The following NATD1 variants were observed in gnomAD, a reference collection of about 807,000 sequenced individuals.
NATD1 encodes the protein N-acetyltransferase domain containing 1.
NATD1 carries 9 observed loss-of-function variants against 12.0 expected under a neutral mutation model. The observed-to-expected ratio is 0.75, with a 90% CI of 0.45 to 1.30. The LOEUF (loss-of-function observed/expected upper bound fraction) is 1.30, where lower values mean the gene tolerates loss of function less well. Ranked by LOEUF, NATD1 falls within the 50% of genes most tolerant of loss-of-function variation. The probability of loss-of-function intolerance (pLI) is 0.00; values close to 1 mark genes in which losing one functional copy is unlikely to be tolerated. For missense variants in NATD1, 148 were observed against 148.5 expected (o/e 1.00, Z 0.02); for synonymous variants, 71 against 65.9 (o/e 1.08, Z -0.37).
intron 1 of NATD1, among the ~76,000 whole-genome samples, chr17:21,248,805 C>A (rs1433890231): frequency 6.6e-6 from 1 of 152,184 alleles, no homozygotes; most frequent in Non-Finnish European, 1.5e-5. Context: ...TAGGGCAGGG[C>A]AGGGCCCTCA....
rs936595297 is a variant in NATD1 at position 21,243,063 on chromosome 17, C to T, written c.*250G>A. The T allele has an allele frequency of 2.2e-5, 9 of 415,668 alleles. No individual in the cohort carries two copies. Among genetic ancestry groups the T allele is most frequent in the African/African-American group, 4.0e-5 (2 of 50,588 alleles). 25.7% of individuals were successfully genotyped at this position (415,668 alleles called of 1,614,324 possible). ...CTACGTGTGACCCACAGGCCTCCCA[C>T]GAAGCCGCTGGTCTCTGCAGAGTGA... On this transcript the variant is annotated 3_prime_UTR_variant, in exon 3 of 3. Coordinates refer to ENST00000611551, the MANE Select transcript of NATD1 (RefSeq NM_152914.3).
rs773760567 is a variant in NATD1, at chr17:21,240,635, G to A, written c.*2678C>T. ...GGCAAGAAATACAAACCCACAGGGT[G>A]AGGCGGGCAGAAAAGCAGCTCTGTG... On this transcript the variant is annotated 3_prime_UTR_variant, in exon 3 of 3. Coordinates refer to ENST00000611551, the MANE Select transcript of NATD1 (RefSeq NM_152914.3). 2 of 152,654 alleles carry A rather than the reference G, an allele frequency of 1.3e-5. No homozygotes were observed. The highest frequency in any genetic ancestry group is 2.9e-5 in the Non-Finnish European group (2 of 68,120). The allele number at this position is 152,654 out of a possible 1,614,324, so 9.5% of individuals were successfully genotyped here.
In NATD1 at chr17:21,240,526, GGGGACGGTCCAGCGGCCAGCT is replaced by G. The variant is rs1975259023; in HGVS notation, c.*2766_*2786del. Reference sequence around the variant, plus strand: ...GTTGATGAGCTTGGAGAATGAGGAAGGGGACGGTCCAGCGGCCAGCTGGGTCCACACCCTGCCGCCGGCCCT... The same window carrying G: ...GTTGATGAGCTTGGAGAATGAGGAAGGGGTCCACACCCTGCCGCCGGCCCT... On this transcript the variant is annotated 3_prime_UTR_variant, in exon 3 of 3. Transcript: ENST00000611551. 1 of 152,672 alleles carries G rather than the reference GGGGACGGTCCAGCGGCCAGCT, an allele frequency of 6.5e-6. No individual in the cohort carries two copies. Among genetic ancestry groups the G allele is most frequent in the Admixed American group, 6.5e-5 (1 of 15,284 alleles). The allele number at this position is 152,672 out of a possible 1,614,324, so 9.5% of individuals were successfully genotyped here. A position where few individuals can be genotyped will look rare whatever the true frequency, so the allele number is the denominator to read the frequency against.
Position 21,253,253 on chromosome 17 carries a change from C to G in NATD1, c.12G>C (p.Ser4=). Residue 4 remains serine (S), a synonymous_variant, in exon 1 of 3, where the codon TCG becomes TCC. Transcript: ENST00000611551. Reference sequence around the variant, plus strand: ...GCGCGCCCAGCGGCACGGCGGCAGCCGAGTGCGCCATCTGCGCGCGGGGCT... The same window carrying G: ...GCGCGCCCAGCGGCACGGCGGCAGCGGAGTGCGCCATCTGCGCGCGGGGCT... MAH[S]AAAVPLGALE... The G allele has an allele frequency of 1.0e-6, 1 of 996,054 alleles. No individual in the cohort carries two copies. The highest frequency in any genetic ancestry group is 1.2e-6 in the Non-Finnish European group (1 of 838,406). The allele number at this position is 996,054 out of a possible 1,614,324, so 61.7% of individuals were successfully genotyped here.
intron 1 of NATD1, among the ~76,000 whole-genome samples, chr17:21,245,068 C>A (rs1378195239): frequency 6.6e-6 from 1 of 152,122 alleles, no homozygotes; most frequent in Admixed American, 6.6e-5. Context: ...AGAGAATAAA[C>A]ATGAAAAGCA....
intron 1 of NATD1, among the ~76,000 whole-genome samples, chr17:21,251,834 G>A (rs763284620): frequency 2.2e-4 from 33 of 152,200 alleles, no homozygotes; most frequent in Non-Finnish European, 4.0e-4. Context: ...CCTCTCGCAA[G>A]CCTTTCCCTT....
intron 1 of NATD1, among the ~76,000 whole-genome samples, chr17:21,247,720 G>A (rs1281507969): frequency 2.0e-5 from 3 of 152,224 alleles, no homozygotes; most frequent in Admixed American, 1.3e-4. Context: ...CTAGTCTGAG[G>A]TCTGGAGCTC....
intron 1 of NATD1, among the ~76,000 whole-genome samples, chr17:21,248,459 T>C (rs1037790787): frequency 6.6e-6 from 1 of 152,174 alleles, no homozygotes; most frequent in Non-Finnish European, 1.5e-5. Flanking sequence ...CCTGCCTTGG[T>C]GGCTGCTCCC....
In NATD1 at chr17:21,243,050, CA is replaced by C. The variant is rs1192352258; in HGVS notation, c.*262del. 2.5e-6 allele frequency: 1 copy of C among 399,406 alleles called. No homozygotes were observed. Among genetic ancestry groups the C allele is most frequent in the Non-Finnish European group, 4.6e-6 (1 of 216,008 alleles). The allele number at this position is 399,406 out of a possible 1,614,324, so 24.7% of individuals were successfully genotyped here. A position where few individuals can be genotyped will look rare whatever the true frequency, so the allele number is the denominator to read the frequency against. ...CTGGCTCTAGCCCCTACGTGTGACC[CA>C]CAGGCCTCCCACGAAGCCGCTGGTC... On this transcript the variant is annotated 3_prime_UTR_variant, in exon 3 of 3. Transcript: ENST00000611551.
intron 1 of NATD1, among the ~76,000 whole-genome samples, chr17:21,248,922 G>A (rs1039038211): frequency 1.3e-5 from 2 of 152,050 alleles, no homozygotes; most frequent in African/African-American, 2.4e-5. Flanking sequence ...CTCCCTCCTG[G>A]GCCTGAGAAC....
chr17:21,250,890 A>G lies in NATD1; in HGVS notation c.106+2269T>C, dbSNP rs72840039. On this transcript the variant is annotated intron_variant, in intron 1 of 2. Coordinates refer to ENST00000611551, the MANE Select transcript of NATD1 (RefSeq NM_152914.3). ...ACCTGACCCCTCAGCCTCAGTGTTT[A>G]TATCTCTCAGTGGGCACAACAGCAC... 3.5e-3 allele frequency among the ~76,000 whole-genome samples: 531 copies of G among 152,318 alleles called. 3 individuals are homozygous for G. The highest frequency in any genetic ancestry group is 6.2e-3 in the Non-Finnish European group (423 of 68,028).
chr17:21,244,947 A>G lies in NATD1; in HGVS notation c.107-723T>C, dbSNP rs1975312745. 6.6e-6 allele frequency among the ~76,000 whole-genome samples: 1 copy of G among 152,106 alleles called. No homozygotes were observed. Among genetic ancestry groups the G allele is most frequent in the Non-Finnish European group, 1.5e-5 (1 of 68,010 alleles). Reference sequence around the variant, plus strand: ...CATCCATCAACCCACCCATCCACTTATCCATCCACCAAATGTTTCCTGAGC... The same window carrying G: ...CATCCATCAACCCACCCATCCACTTGTCCATCCACCAAATGTTTCCTGAGC... On this transcript the variant is annotated intron_variant, in intron 1 of 2. Transcript: ENST00000611551. This position sits in a 1 kb window ranked among gnomAD's most constrained non-coding sequence, Gnocchi z 5.2.
rs1567643393 is a variant in NATD1 at position 21,239,262 on chromosome 17, GGGAAGTTGCT to G, written c.*4041_*4050del. 2.6e-5 allele frequency: 4 copies of G among 152,324 alleles called. No homozygotes were observed. Among genetic ancestry groups the G allele is most frequent in the African/African-American group, 4.8e-5 (2 of 41,558 alleles). The allele number at this position is 152,324 out of a possible 1,614,324, so 9.4% of individuals were successfully genotyped here. A position where few individuals can be genotyped will look rare whatever the true frequency, so the allele number is the denominator to read the frequency against. ...CCCCCCCGCAGCCTTGCAGCTGAGT[GGGAAGTTGCT>G]GGAAGTTGTATCTGTTTATTGCTTT... On this transcript the variant is annotated 3_prime_UTR_variant, in exon 3 of 3. Transcript: ENST00000611551.
chr17:21,245,117 G>A (rs1380730472), intron 1 of NATD1, among the ~76,000 whole-genome samples: 1 of 152,176 alleles, frequency 6.6e-6, no homozygotes, highest in Non-Finnish European at 1.5e-5. Flanking sequence ...GGCAGGTGAA[G>A]ACAGGAAGGA....
At position 21,239,789 on chromosome 17, in the gene NATD1, CAAA is replaced by C. The variant is rs372619434; in HGVS notation, c.*3521_*3523del. The C allele has an allele frequency of 1.3e-5, 2 of 151,834 alleles. No homozygotes were observed. The highest frequency in any genetic ancestry group is 2.9e-5 in the Non-Finnish European group (2 of 67,926). 9.4% of individuals were successfully genotyped at this position (151,834 alleles called of 1,614,324 possible). A position where few individuals can be genotyped will look rare whatever the true frequency, so the allele number is the denominator to read the frequency against. ...GGGCGACAGAGCAAGACTCCCATCT[CAAA>C]AAAAAGATTGCAACAGGCCTGGCAA... is the stretch of plus-strand genomic sequence containing the variant. On this transcript the variant is annotated 3_prime_UTR_variant, in exon 3 of 3. Transcript: ENST00000611551.
At chr17:21,251,944 G>T (rs1975380470) in intron 1 of NATD1, among the ~76,000 whole-genome samples, 1 of 152,226 alleles carries the variant, frequency 6.6e-6, no homozygotes. Flanking sequence ...GCCACAGGGA[G>T]TTCATAGCCC....
At chr17:21,247,455 G>A (rs1255138024) in intron 1 of NATD1, among the ~76,000 whole-genome samples, 1 of 152,164 alleles carries the variant, frequency 6.6e-6, no homozygotes, top group Non-Finnish European at 1.5e-5. Context: ...CTCGTGCTCT[G>A]CTCTCTCCAC....
At chr17:21,251,304 A>T (rs140101454) in intron 1 of NATD1, among the ~76,000 whole-genome samples, 1 of 151,726 alleles carries the variant, frequency 6.6e-6, no homozygotes, top group Admixed American at 6.6e-5. Flanking sequence ...AAAAAAAAAA[A>T]AAAAAAACAA....
intron 1 of NATD1, among the ~76,000 whole-genome samples, chr17:21,245,726 G>C (rs536880833): frequency 6.6e-6 from 1 of 151,788 alleles, no homozygotes; most frequent in Admixed American, 6.6e-5. Flanking sequence ...TCCTGCACCC[G>C]CCATCGCCTA....
Sources: gnomAD v4.1 joint callset for allele counts (sites outside exome capture counted in the v4.1 genomes callset) on GRCh38, gnomAD v4.1.1 for gene constraint, Gnocchi (gnomAD v3.1) non-coding constraint, MANE v1.5 for transcripts, NCBI Gene and HGNC (gene_info 2026-07-23, HGNC 2026-07-21) for gene names.